The following ARHGAP15 variants were observed in gnomAD, a reference collection of about 807,000 sequenced individuals.
ARHGAP15 encodes Rho GTPase activating protein 15.
ARHGAP15 carries 51 observed loss-of-function variants against 63.7 expected under a neutral mutation model. That is an observed-to-expected ratio of 0.80 (90% confidence interval 0.64 to 1.01). ARHGAP15 has a LOEUF of 1.01. Ranked by LOEUF, ARHGAP15 falls within the 50% of genes least tolerant of loss-of-function variation. The probability of loss-of-function intolerance (pLI) is 0.00; values close to 1 mark genes in which losing one functional copy is unlikely to be tolerated. For synonymous variants in ARHGAP15, 191 were observed against 193.8 expected (o/e 0.99, Z 0.12); for missense variants, 560 against 564.6 (o/e 0.99, Z 0.08).
chr2:143,590,821 T>C (rs536652282), intron 11 of ARHGAP15, among the ~76,000 whole-genome samples: 1 of 152,192 alleles, frequency 6.6e-6, no homozygotes, highest in South Asian at 2.1e-4. Context: ...GAATGTTTTT[T>C]ATTAATTGGC....
At chr2:143,435,409 A>G (rs1273637093) in intron 6 of ARHGAP15, 192 bp from the exon 7 acceptor site, 2 of 1,210,446 alleles carry the variant, frequency 1.7e-6, no homozygotes, top group Admixed American at 4.1e-5. Context: ...TGTATTTGTT[A>G]TGACGTGAAA....
intron 11 of ARHGAP15, among the ~76,000 whole-genome samples, chr2:143,590,115 C>G (rs1379314254): frequency 2.6e-5 from 4 of 152,166 alleles, no homozygotes; most frequent in African/African-American, 9.7e-5. Flanking sequence ...TGTCCATACC[C>G]CAGCTGTTTA....
chr2:143,553,788 A>C (rs550765454), intron 10 of ARHGAP15, among the ~76,000 whole-genome samples: 1 of 152,206 alleles, frequency 6.6e-6, no homozygotes, highest in Non-Finnish European at 1.5e-5. Context: ...CTCTAAGAGA[A>C]AAAAGAAGTT....
chr2:143,607,279 T>A (rs769161050), intron 11 of ARHGAP15, among the ~76,000 whole-genome samples: 18 of 152,300 alleles, frequency 1.2e-4, no homozygotes, highest in Middle Eastern at 6.8e-3. Flanking sequence ...ACCTCAGCTC[T>A]CACTTCTTTT....
intron 13 of ARHGAP15, among the ~76,000 whole-genome samples, chr2:143,754,843 AG>A (rs1686512770): frequency 1.3e-5 from 2 of 152,338 alleles, no homozygotes; most frequent in South Asian, 4.1e-4. Flanking sequence ...TTTTGGCTGC[AG>A]CTCTGAGGCC....
intron 11 of ARHGAP15, among the ~76,000 whole-genome samples, chr2:143,622,481 C>T (rs1269465304): frequency 6.6e-6 from 1 of 152,140 alleles, no homozygotes; most frequent in African/African-American, 2.4e-5. Flanking sequence ...TAACAGTTGA[C>T]TGTTTAAAGC....
At chr2:143,215,519 G>T (rs1183041691) in intron 3 of ARHGAP15, among the ~76,000 whole-genome samples, 1 of 152,184 alleles carries the variant, frequency 6.6e-6, no homozygotes. Context: ...CACTGAGGGA[G>T]TGTGGTCCTC....
intron 8 of ARHGAP15, among the ~76,000 whole-genome samples, chr2:143,472,311 A>G (rs1357874677): frequency 6.6e-6 from 1 of 152,284 alleles, no homozygotes; most frequent in South Asian, 2.1e-4. Flanking sequence ...AAGTGGTAGT[A>G]GTAACCCACA....
chr2:143,555,890 T>C (rs13415834), intron 10 of ARHGAP15, among the ~76,000 whole-genome samples: 4 of 70,440 alleles, frequency 5.7e-5, no homozygotes, highest in East Asian at 4.8e-4. Flanking sequence ...TAGAATAGAA[T>C]AGAATAGAAT....
chr2:143,628,324 C>T (rs2105249349), intron 12 of ARHGAP15, among the ~76,000 whole-genome samples: 1 of 152,182 alleles, frequency 6.6e-6, no homozygotes, highest in African/African-American at 2.4e-5. Flanking sequence ...AGATTTGTTT[C>T]CTTTTGGATG....
intron 10 of ARHGAP15, among the ~76,000 whole-genome samples, chr2:143,521,751 A>T (rs1318267888): frequency 6.6e-6 from 1 of 152,142 alleles, no homozygotes; most frequent in African/African-American, 2.4e-5. Context: ...CTACATCGGC[A>T]CATTGGCTGT....
At chr2:143,434,911 G>A (rs538048457) in intron 6 of ARHGAP15, among the ~76,000 whole-genome samples, 159 of 152,170 alleles carry the variant, frequency 1.0e-3, no homozygotes, top group African/African-American at 3.6e-3. Flanking sequence ...ACAGTTACAC[G>A]CTAAATATTG....
chr2:143,512,304 G>A (rs890846786), intron 9 of ARHGAP15, among the ~76,000 whole-genome samples: 3 of 152,126 alleles, frequency 2.0e-5, no homozygotes, highest in African/African-American at 7.2e-5. Context: ...GATCCACTTG[G>A]GCCACATGTT....
rs549401018 is a variant in ARHGAP15, at chr2:143,327,735, A to G, written c.474+77135A>G. Among the ~76,000 whole-genome samples the G allele has an allele frequency of 3.3e-4, 51 of 152,348 alleles. No individual in the cohort carries two copies. In the South Asian group the frequency reaches 0.01, roughly 30 times the overall value. ...GACTAAAACACCAAAAGCAATGGCA[A>G]CAAAAGCCAAAATTCACAAATGTGA... On this transcript the variant is annotated intron_variant, in intron 6 of 13. Coordinates refer to ENST00000295095, the MANE Select transcript of ARHGAP15 (RefSeq NM_018460.4).
At chr2:143,252,230 G>A (rs981238350) in intron 6 of ARHGAP15, among the ~76,000 whole-genome samples, 4 of 151,950 alleles carry the variant, frequency 2.6e-5, no homozygotes, top group African/African-American at 9.7e-5. Flanking sequence ...TGCATACAGG[G>A]CTGAAAATAT....
chr2:143,443,265 G>A (rs1689975488), intron 8 of ARHGAP15, among the ~76,000 whole-genome samples: 1 of 152,068 alleles, frequency 6.6e-6, no homozygotes, highest in Admixed American at 6.6e-5. Flanking sequence ...CCAAGGAAAT[G>A]AAAACAGTAT....
At chr2:143,361,503 T>G (rs1298481988) in intron 6 of ARHGAP15, among the ~76,000 whole-genome samples, 2 of 152,190 alleles carry the variant, frequency 1.3e-5, no homozygotes, top group African/African-American at 4.8e-5. Context: ...GATCTTGATG[T>G]TAATGGTCAC....
rs926865322 is a variant in ARHGAP15 at position 143,685,947 on chromosome 2, TA to T, written c.1139-17462del. On this transcript the variant is annotated intron_variant, in intron 12 of 13. Coordinates refer to ENST00000295095, the MANE Select transcript of ARHGAP15 (RefSeq NM_018460.4). ...TCTCTTGAGAAGCTGATGTTTACTT[TA>T]AAAAAAAAATTATGTTAGCTGGAAA... Among the ~76,000 whole-genome samples, 34 of 150,576 alleles carry T rather than the reference TA, an allele frequency of 2.3e-4. No homozygotes were observed. In the East Asian group the frequency reaches 3.5e-3, roughly 15 times the overall value.
intron 11 of ARHGAP15, among the ~76,000 whole-genome samples, chr2:143,583,646 C>G (rs1696997144): frequency 6.6e-6 from 1 of 152,170 alleles, no homozygotes; most frequent in African/African-American, 2.4e-5. Context: ...GAGTTAGGTT[C>G]TGTTTGGGAC....
Sources: allele counts gnomAD v4.1 joint callset (sites outside exome capture counted in the v4.1 genomes callset), GRCh38; gene constraint gnomAD v4.1.1; transcripts MANE v1.5; gene names NCBI Gene and HGNC (gene_info 2026-07-23, HGNC 2026-07-21).